The following CD276 variants were observed in gnomAD, a reference collection of about 807,000 sequenced individuals.
CD276 encodes CD276 molecule, also known as CD276 antigen.
A neutral mutation model predicts 50.0 loss-of-function variants in CD276; 34 were observed. That is an observed-to-expected ratio of 0.68 (90% CI 0.52 to 0.91). The LOEUF (loss-of-function observed/expected upper bound fraction) is 0.91. Among genes scored for constraint, CD276 ranks in the 40% least tolerant of loss-of-function variants. CD276 has a pLI of 0.00. For synonymous variants in CD276, 275 were observed against 313.0 expected (o/e 0.88, Z 1.28); for missense variants, 634 against 717.5 (o/e 0.88, Z 1.33).
chr15:73,706,674 A>G (rs953060258), intron 6 of CD276, among the ~76,000 whole-genome samples: 34 of 152,182 alleles, frequency 2.2e-4, no homozygotes. Context: ...TATCATGTCA[A>G]ACATTCTGGG....
chr15:73,702,820 G>A lies in CD276; in HGVS notation c.467G>A (p.Arg156Gln), dbSNP rs755716069. The A allele has an allele frequency of 2.7e-5, 43 of 1,613,938 alleles. No individual in the cohort carries two copies. Among genetic ancestry groups the A allele is most frequent in the African/African-American group, 9.3e-5 (7 of 74,892 alleles). ...SMTLEPNKDL[R>Q]PGDTVTITCS... ...ACCCTGGAGCCCAACAAGGACCTGCGGCCAGGGGACACGGTGACCATCACG... is the reference window on the plus strand; with the variant it reads ...ACCCTGGAGCCCAACAAGGACCTGCAGCCAGGGGACACGGTGACCATCACG... Residue 156 changes from arginine to glutamine, a missense_variant, in exon 4 of 10, where the codon CGG (arginine) becomes CAG (glutamine). Physicochemically the swap from Arg to Gln is conservative, Grantham distance 43 (BLOSUM62 1). Coordinates refer to ENST00000318443, the MANE Select transcript of CD276 (RefSeq NM_001024736.2).
intron 8 of CD276, among the ~76,000 whole-genome samples, chr15:73,710,836 T>C (rs537647320): frequency 1.1e-4 from 16 of 152,290 alleles, no homozygotes; most frequent in South Asian, 6.2e-4. Context: ...TGTGTGTACA[T>C]TGGGCTCAGG....
At chr15:73,696,349 C>G (rs1900176629) in intron 1 of CD276, among the ~76,000 whole-genome samples, 1 of 152,218 alleles carries the variant, frequency 6.6e-6, no homozygotes, top group African/African-American at 2.4e-5. Flanking sequence ...CCGACCAGCT[C>G]TGTGTTCACA....
chr15:73,708,512 TTA>T (rs1491479919), intron 7 of CD276, 39 bp downstream of exon 7: 11 of 1,582,710 alleles, frequency 7.0e-6, no homozygotes, highest in African/African-American at 2.7e-5. Flanking sequence ...GCATGCACAC[TTA>T]TGTGTCTTGG....
At chr15:73,686,394 G>C (rs1899763616) in intron 1 of CD276, 2 of 605,640 alleles carry the variant, frequency 3.3e-6, no homozygotes, top group Admixed American at 6.3e-5. Flanking sequence ...CTTCAGCTCT[G>C]TCCAGGCACC....
rs765671852 is a variant in CD276, at chr15:73,708,449, CAG to C, written c.1483_1484del (p.Ser495LeufsTer2). On this transcript the variant is annotated frameshift_variant, in exon 7 of 10. Transcript: ENST00000318443. LOFTEE classifies it high-confidence loss of function. ...LAFVCWRKIK[Q>X]SCEEENAGAE... is the part of the protein sequence containing the mutation. ...TTTCGTGTGCTGGAGAAAGATCAAA[CAG>C]AGCTGTGAGGAGGAGAATGCAGGTG... is the stretch of plus-strand genomic sequence containing the variant. The C allele has an allele frequency of 2.2e-5, 36 of 1,613,712 alleles. No homozygotes were observed. The highest frequency in any genetic ancestry group is 1.5e-4 in the Admixed American group (9 of 59,956).
At chr15:73,708,093 T>G (rs1380384872) in intron 6 of CD276, among the ~76,000 whole-genome samples, 1 of 152,236 alleles carries the variant, frequency 6.6e-6, no homozygotes, top group Non-Finnish European at 1.5e-5. Flanking sequence ...TAGAAGGTAC[T>G]TGAGCATCAA....
intron 1 of CD276, among the ~76,000 whole-genome samples, chr15:73,685,453 TTGTGTGTGTGTG>T (rs55859831): frequency 0.068 from 9,024 of 131,862 alleles, 791 homozygotes; most frequent in African/African-American, 0.21. Flanking sequence ...CAAAAAAGAT[TTGTGTGTGTGTG>T]TGTGTGTGTG....
chr15:73,712,729 C>G (rs1900955478), intron 9 of CD276, among the ~76,000 whole-genome samples: 1 of 152,152 alleles, frequency 6.6e-6, no homozygotes, highest in Non-Finnish European at 1.5e-5. Flanking sequence ...CCTCAGGTGC[C>G]CCGGCGTGCC....
At chr15:73,710,187 G>A (rs1314137969) in intron 8 of CD276, among the ~76,000 whole-genome samples, 1 of 152,218 alleles carries the variant, frequency 6.6e-6, no homozygotes, top group East Asian at 1.9e-4. Flanking sequence ...CATATCTAGT[G>A]CCAAGTGCTT....
chr15:73,699,154 C>G (rs1292940422), intron 1 of CD276, among the ~76,000 whole-genome samples: 1 of 152,156 alleles, frequency 6.6e-6, no homozygotes, highest in East Asian at 1.9e-4. Context: ...TTCAGTGGCT[C>G]TCAACTGCCT....
rs1167541106 is a variant in CD276 at position 73,704,990 on chromosome 15, C to G, written c.1369+518C>G. Among the ~76,000 whole-genome samples, 1 of 152,220 alleles carries G rather than the reference C, an allele frequency of 6.6e-6. No homozygotes were observed. The highest frequency in any genetic ancestry group is 1.5e-5 in the Non-Finnish European group (1 of 68,028). ...GATGGGCAGGGGCTGTCTCTGCTGC[C>G]CCCGTGTGGTCAAACACCAGATAGA... On this transcript the variant is annotated intron_variant, in intron 6 of 9. Transcript: ENST00000318443. This position sits in a 1 kb window ranked among gnomAD's most constrained non-coding sequence, Gnocchi z 4.1.
chr15:73,709,542 A>C, intron 7 of CD276, 106 bp from the exon 8 acceptor site: 1 of 1,121,374 alleles, frequency 8.9e-7, no homozygotes, highest in Admixed American at 1.8e-5. Flanking sequence ...GGTCAGGCCC[A>C]CTCAGGCCCT....
chr15:73,706,252 AAAAT>A (rs1406993545), intron 6 of CD276, among the ~76,000 whole-genome samples: 4 of 152,222 alleles, frequency 2.6e-5, no homozygotes, highest in African/African-American at 7.2e-5. Context: ...ACTGTCTCAA[AAAAT>A]AAATAAAATA....
rs796876251 is a variant in CD276 at position 73,687,683 on chromosome 15, C to G, written c.-55+3223C>G. On this transcript the variant is annotated intron_variant, in intron 1 of 9. Transcript: ENST00000318443. The surrounding 1 kb of genome is among the most constrained non-coding windows in gnomAD (Gnocchi z 4.0). Reference sequence around the variant, plus strand: ...CCACCCTCCAGTTCTGACCAGTGCTCCCAGCCAGCTGCCCCCTTTCTCCCT... The same window carrying G: ...CCACCCTCCAGTTCTGACCAGTGCTGCCAGCCAGCTGCCCCCTTTCTCCCT... Among the ~76,000 whole-genome samples the G allele has an allele frequency of 3.9e-5, 6 of 152,308 alleles. No homozygotes were observed. The highest frequency in any genetic ancestry group is 1.4e-4 in the African/African-American group (6 of 41,564).
intron 1 of CD276, chr15:73,690,840 G>A (rs1899959201): frequency 2.2e-6 from 1 of 455,436 alleles, no homozygotes; most frequent in African/African-American, 2.0e-5. Flanking sequence ...GGGCAAGTAG[G>A]AAGAGGTGAG....
Position 73,702,586 on chromosome 15 carries a change from G to T in CD276, c.411G>T (p.Gln137His). The T allele has an allele frequency of 6.2e-7, 1 of 1,606,288 alleles. No homozygotes were observed. Among genetic ancestry groups the T allele is most frequent in the Non-Finnish European group, 8.5e-7 (1 of 1,177,260 alleles). ...TCGGCAGCGCTGCCGTCAGCCTGCA[G>T]GTGGCCGGTGAGCACCAGGAGGGGG... ...RDFGSAAVSL[Q>H]VAAPYSKPSM... Residue 137 changes from glutamine (Q) to histidine (H), a missense_variant, in exon 3 of 10, where the codon CAG (glutamine) becomes CAT (histidine). By Grantham distance (24) the Gln-to-His change is conservative. Coordinates refer to ENST00000318443, the MANE Select transcript of CD276 (RefSeq NM_001024736.2).
At chr15:73,709,268 C>T (rs373945076) in intron 7 of CD276, among the ~76,000 whole-genome samples, 46 of 151,228 alleles carry the variant, frequency 3.0e-4, no homozygotes, top group African/African-American at 1.1e-3. Context: ...GGGTGTGTGG[C>T]GGGGGCTCCA....
chr15:73,705,646 T>C (rs1233808255), intron 6 of CD276, among the ~76,000 whole-genome samples: 1 of 151,954 alleles, frequency 6.6e-6, no homozygotes, highest in Non-Finnish European at 1.5e-5. Flanking sequence ...CAGCATATGG[T>C]TTGGTGGTGA....
Sources: gnomAD v4.1 joint callset for allele counts (sites outside exome capture counted in the v4.1 genomes callset) on GRCh38, gnomAD v4.1.1 for gene constraint, Gnocchi (gnomAD v3.1) non-coding constraint, MANE v1.5 for transcripts, NCBI Gene and HGNC (gene_info 2026-07-23, HGNC 2026-07-21) for gene names.